The following DNAH10 variants were observed in gnomAD, a reference collection of about 807,000 sequenced individuals.
DNAH10 encodes the protein dynein axonemal heavy chain 10.
In DNAH10, 348 loss-of-function variants were observed where a neutral mutation model predicts 506.6. The observed-to-expected ratio is 0.69, with a 90% confidence interval of 0.63 to 0.75. DNAH10 has a LOEUF of 0.75. Among genes scored for constraint, DNAH10 ranks in the 30% least tolerant of loss-of-function variants. The pLI, the probability that DNAH10 is intolerant of heterozygous loss-of-function variation, is 0.00. For missense variants in DNAH10, 5,179 were observed against 5,787.1 expected (o/e 0.89, Z 3.41); for synonymous variants, 2,059 against 2,198.6 (o/e 0.94, Z 1.78).
rs1433981416 is a variant in DNAH10 at position 123,808,803 on chromosome 12, G to T, written c.2994G>T (p.Leu998Phe). Residue 998 changes from leucine to phenylalanine, a missense_variant, in exon 19 of 79, where the codon TTG becomes TTT. Leu to Phe is a conservative substitution (Grantham distance 22). Around this residue, in one of 3 missense-constraint regions of DNAH10, gnomAD observed 4,844 missense variants for 5,430.5 expected, o/e 0.89. Coordinates refer to ENST00000673944, the MANE Select transcript of DNAH10 (RefSeq NM_001372106.1). The stretch of plus-strand genomic sequence containing the variant: ...TCTCATCAACCCCTCTTAGGAACTT[G>T]CAGTCTTTTAATTCTTTGATCCTTG... ...EVLTKLILKN[L>F]QSFNSLILGN... is the part of the protein sequence containing the mutation. 2.5e-6 allele frequency: 4 copies of T among 1,613,898 alleles called. No individual in the cohort carries two copies. In the South Asian group the frequency reaches 3.3e-5, roughly 13 times the overall value.
chr12:123,762,447 G>A lies in DNAH10; in HGVS notation c.111G>A (p.Glu37=), dbSNP rs553708367. ...TCAACCGCGACGACGGCCAGGGCGA[G>A]GACCTCATCTTGCACTTCCTCAACC... ...DLLNRDDGQG[E]DLILHFLNQA... is the part of the protein sequence containing the mutation. The change falls in exon 1 of 79, where the codon GAG becomes GAA. Residue 37 remains glutamate (E), a synonymous_variant. Transcript: ENST00000673944. This position sits in a 1 kb window ranked among gnomAD's most constrained non-coding sequence, Gnocchi z 5.0. 52 of 1,475,748 alleles carry A rather than the reference G, an allele frequency of 3.5e-5. No individual in the cohort carries two copies. The African/African-American group carries it at 6.0e-4, about 17-fold the overall frequency. The allele number at this position is 1,475,748 out of a possible 1,614,324, so 91.4% of individuals were successfully genotyped here.
At chr12:123,801,509 A>G in intron 16 of DNAH10, 77 bp downstream of exon 16, 2 of 1,527,772 alleles carry the variant, frequency 1.3e-6, no homozygotes, top group Non-Finnish European at 1.8e-6. Flanking sequence ...TATTTGAATT[A>G]CCATTTTCAT....
chr12:123,785,654 A>T lies in DNAH10; in HGVS notation c.1231-92A>T. On this transcript the variant is annotated intron_variant, in intron 8 of 78. Coordinates refer to ENST00000673944, the MANE Select transcript of DNAH10 (RefSeq NM_001372106.1). This position sits in a 1 kb window ranked among gnomAD's most constrained non-coding sequence, Gnocchi z 4.1. ...TCTCAAGGAAAAAAAAAAAAAAAAA[A>T]GAGTGAAACTTCTTGCATGCTTACT... 14 of 1,034,032 alleles carry T rather than the reference A, an allele frequency of 1.4e-5. No homozygotes were observed. The highest frequency in any genetic ancestry group is 1.7e-5 in the Non-Finnish European group (13 of 760,388). 64.1% of individuals were successfully genotyped at this position (1,034,032 alleles called of 1,614,324 possible).
rs781578141 is a variant in DNAH10, at chr12:123,826,775, T to C, written c.4268T>C (p.Leu1423Pro). 18 of 1,613,978 alleles carry C rather than the reference T, an allele frequency of 1.1e-5. No individual in the cohort carries two copies. The South Asian group carries it at 2.0e-4, about 18-fold the overall frequency. Residue 1423 changes from leucine (L) to proline (P), a missense_variant, in exon 25 of 79, where the codon CTC (leucine) becomes CCC (proline). Physicochemically the swap from Leu to Pro is moderately conservative, Grantham distance 98. Around this residue, in one of 3 missense-constraint regions of DNAH10, gnomAD observed 4,844 missense variants for 5,430.5 expected, o/e 0.89. Transcript: ENST00000673944. Reference protein sequence around the residue: ...QEGIEGFLRALRKLPRPVRGL... With the variant: ...QEGIEGFLRAPRKLPRPVRGL... The stretch of plus-strand genomic sequence containing the variant: ...GGAATTGAAGGTTTTCTCAGGGCTC[T>C]CAGAAAGCTACCTCGGCCAGTCCGT...
intron 52 of DNAH10, among the ~76,000 whole-genome samples, chr12:123,891,487 T>G (rs1160758113): frequency 6.6e-6 from 1 of 152,128 alleles, no homozygotes; most frequent in East Asian, 1.9e-4. Context: ...GTCACTGACA[T>G]GTGGTGGGAC....
At chr12:123,931,911 T>A (rs768229161) in intron 75 of DNAH10, 30 bp from the exon 76 acceptor site, 34 of 1,613,544 alleles carry the variant, frequency 2.1e-5, no homozygotes, top group East Asian at 2.2e-5. Context: ...TCTGATAGAG[T>A]CCTGCCCGAT....
chr12:123,813,372 G>T lies in DNAH10; in HGVS notation c.3353G>T (p.Trp1118Leu). Residue 1118 changes from tryptophan to leucine, a missense_variant, in exon 20 of 79, where the codon TGG becomes TTG. Trp to Leu is a moderately conservative substitution (Grantham distance 61, BLOSUM62 -2). Around this residue, in one of 3 missense-constraint regions of DNAH10, gnomAD observed 4,844 missense variants for 5,430.5 expected, o/e 0.89. Coordinates refer to ENST00000673944, the MANE Select transcript of DNAH10 (RefSeq NM_001372106.1). Reference sequence around the variant, plus strand: ...AAATGGAAGCGGTATCGACCTCTCTGGAAATTGGACAAAGCTATTGTGATG... The same window carrying T: ...AAATGGAAGCGGTATCGACCTCTCTTGAAATTGGACAAAGCTATTGTGATG... ...LQKWKRYRPL[W>L]KLDKAIVMEK... The T allele has an allele frequency of 6.2e-7, 1 of 1,614,184 alleles. No homozygotes were observed. Among genetic ancestry groups the T allele is most frequent in the East Asian group, 2.2e-5 (1 of 44,886 alleles).
At chr12:123,793,819 T>C in intron 11 of DNAH10, 123 bp from the exon 12 acceptor site, 1 of 723,054 alleles carries the variant, frequency 1.4e-6, no homozygotes. Context: ...GATACCAGTT[T>C]CCATTACTTA....
At chr12:123,771,373 CAT>C (rs1031503763) in intron 2 of DNAH10, among the ~76,000 whole-genome samples, 4 of 152,156 alleles carry the variant, frequency 2.6e-5, no homozygotes, top group African/African-American at 9.7e-5. Context: ...CAGACACAAA[CAT>C]GTAAAATTTC....
At chr12:123,851,412 G>A (rs1472188068) in intron 35 of DNAH10, among the ~76,000 whole-genome samples, 1 of 152,076 alleles carries the variant, frequency 6.6e-6, no homozygotes, top group Admixed American at 6.5e-5. Context: ...TCAGCTCCGT[G>A]TGGCTCTTTG....
rs768401836 is a variant in DNAH10, at chr12:123,914,448, T to C, written c.10472T>C (p.Met3491Thr). The C allele has an allele frequency of 6.2e-7, 1 of 1,613,782 alleles. No individual in the cohort carries two copies. The highest frequency in any genetic ancestry group is 8.5e-7 in the Non-Finnish European group (1 of 1,179,894). The change falls in exon 61 of 79, where the codon ATG becomes ACG. Residue 3491 changes from methionine to threonine, a missense_variant. By Grantham distance (81) the Met-to-Thr change is moderately conservative (BLOSUM62 -1). Coordinates refer to ENST00000673944, the MANE Select transcript of DNAH10 (RefSeq NM_001372106.1). Reference protein sequence around the residue: ...GAFTWEFRDEMVNRIWQNDIL... With the variant: ...GAFTWEFRDETVNRIWQNDIL... Reference sequence around the variant, plus strand: ...TTCACCTGGGAGTTCCGTGACGAGATGGTCAATCGGATTTGGCAAAATGAC... The same window carrying C: ...TTCACCTGGGAGTTCCGTGACGAGACGGTCAATCGGATTTGGCAAAATGAC...
At chr12:123,831,011 G>T (rs1408734608) in intron 26 of DNAH10, among the ~76,000 whole-genome samples, 1 of 152,050 alleles carries the variant, frequency 6.6e-6, no homozygotes, top group African/African-American at 2.4e-5. Context: ...CAGTAATAAA[G>T]AATTATTTGT....
At position 123,833,251 on chromosome 12, in the gene DNAH10, C is replaced by A; in HGVS notation, c.4683C>A (p.Asn1561Lys). 3 of 1,613,886 alleles carry A rather than the reference C, an allele frequency of 1.9e-6. No homozygotes were observed. Among genetic ancestry groups the A allele is most frequent in the South Asian group, 1.1e-5 (1 of 91,010 alleles). ...IIQSLDDNTFNLQSISGSRFV... is the reference protein window; with the variant it reads ...IIQSLDDNTFKLQSISGSRFV... ...AGTCTCTTGATGACAACACTTTCAA[C>A]CTGCAGAGCATCTCAGGAAGCAGAT... Residue 1561 changes from asparagine (N) to lysine (K), a missense_variant, in exon 27 of 79, where the codon AAC becomes AAA. By Grantham distance (94) the Asn-to-Lys change is moderately conservative. Coordinates refer to ENST00000673944, the MANE Select transcript of DNAH10 (RefSeq NM_001372106.1).
At chr12:123,773,465 C>T (rs560859313) in intron 4 of DNAH10, among the ~76,000 whole-genome samples, 3 of 152,326 alleles carry the variant, frequency 2.0e-5, no homozygotes, top group Admixed American at 1.3e-4. Context: ...AGGCAAAGCC[C>T]ATGCCCAAGC....
At chr12:123,923,648 G>C in intron 65 of DNAH10, 115 bp from the exon 66 acceptor site, 1 of 653,230 alleles carries the variant, frequency 1.5e-6, no homozygotes, top group Non-Finnish European at 2.6e-6. Flanking sequence ...GGTAAATGCA[G>C]CCATACAGTT....
chr12:123,916,534 C>T lies in DNAH10; in HGVS notation c.10800C>T (p.Arg3600=), dbSNP rs760742102. 14 of 1,613,688 alleles carry T rather than the reference C, an allele frequency of 8.7e-6. No homozygotes were observed. Among genetic ancestry groups the T allele is most frequent in the East Asian group, 2.2e-5 (1 of 44,900 alleles). ...AGTACGGGACCCCTTTCCTGTTCCGCGATGTTGATGAATACATCGATCCTG... is the reference window on the plus strand; with the variant it reads ...AGTACGGGACCCCTTTCCTGTTCCGTGATGTTGATGAATACATCGATCCTG... ...SIKYGTPFLF[R]DVDEYIDPVI... The change falls in exon 63 of 79, where the codon CGC becomes CGT. Residue 3600 remains arginine (R), a synonymous_variant. Coordinates refer to ENST00000673944, the MANE Select transcript of DNAH10 (RefSeq NM_001372106.1). This position sits in a 1 kb window ranked among gnomAD's most constrained non-coding sequence, Gnocchi z 4.6.
intron 11 of DNAH10, among the ~76,000 whole-genome samples, chr12:123,793,623 G>T (rs572482778): frequency 1.6e-4 from 25 of 152,250 alleles, no homozygotes; most frequent in African/African-American, 6.0e-4. Flanking sequence ...CAGGTGTGAG[G>T]CACTGCGCCT....
rs201745708 is a variant in DNAH10, at chr12:123,910,522, A to G, written c.9998-14A>G. 3.0e-5 allele frequency: 48 copies of G among 1,603,922 alleles called. No individual in the cohort carries two copies. In the African/African-American group the frequency reaches 4.2e-4, roughly 14 times the overall value. ...GCTTGCCACTCATAAAAATTATTGC[A>G]TGTTTCACGTTAGGCCTCTTGAAGA... On this transcript the variant is annotated splice_polypyrimidine_tract_variant and intron_variant, in intron 58 of 78. Transcript: ENST00000673944.
intron 30 of DNAH10, among the ~76,000 whole-genome samples, chr12:123,842,349 C>T (rs1177382893): frequency 6.6e-6 from 1 of 152,232 alleles, no homozygotes; most frequent in Non-Finnish European, 1.5e-5. Context: ...TTCAGGATAT[C>T]ATGCTGAGCC....
Sources: gnomAD v4.1 joint callset for allele counts (sites outside exome capture counted in the v4.1 genomes callset) on GRCh38, gnomAD v4.1.1 for gene constraint, gnomAD v4.1.1 regional missense constraint, Gnocchi (gnomAD v3.1) non-coding constraint, MANE v1.5 for transcripts, NCBI Gene and HGNC (gene_info 2026-07-23, HGNC 2026-07-21) for gene names.